The following IL1RAPL1 variants were observed in gnomAD, a reference collection of about 807,000 sequenced individuals.
IL1RAPL1 encodes interleukin-1 receptor accessory protein-like 1.
A neutral mutation model predicts 48.4 loss-of-function variants in IL1RAPL1; 3 were observed. That is an observed-to-expected ratio of 0.06 (90% CI 0.03 to 0.16). IL1RAPL1 has a LOEUF of 0.16. Ranked by LOEUF, IL1RAPL1 falls within the 10% of genes least tolerant of loss-of-function variation. IL1RAPL1 has a pLI of 1.00. For missense variants in IL1RAPL1, 349 were observed against 530.6 expected, an observed-to-expected ratio of 0.66 and a Z score of 3.36; for synonymous variants, 185 against 187.7, an observed-to-expected ratio of 0.99 and a Z score of 0.12.
chrX:29,095,972 C>A (rs1928205734), intron 2 of IL1RAPL1, among the ~76,000 whole-genome samples: 1 of 111,492 alleles, frequency 9.0e-6, no homozygotes, highest in Non-Finnish European at 1.9e-5. Flanking sequence ...ATGCCTTGCT[C>A]ATACCACTTT....
intron 2 of IL1RAPL1, among the ~76,000 whole-genome samples, chrX:28,821,805 TG>T (rs1936940353): frequency 9.0e-6 from 1 of 111,256 alleles, no homozygotes; most frequent in Non-Finnish European, 1.9e-5. Flanking sequence ...TCTTACACAT[TG>T]CTTCAGTTAG....
At chrX:29,888,863 G>A (rs961288382) in intron 6 of IL1RAPL1, among the ~76,000 whole-genome samples, 1 of 111,423 alleles carries the variant, frequency 9.0e-6, no homozygotes, top group African/African-American at 3.3e-5. Flanking sequence ...TTTAAAAGAC[G>A]CTTCTTGTTA....
chrX:28,752,684 A>G (rs753970765), intron 1 of IL1RAPL1, among the ~76,000 whole-genome samples: 27 of 112,343 alleles, frequency 2.4e-4, no homozygotes, highest in African/African-American at 8.4e-4. Context: ...AATCTGGTAC[A>G]AGGTTTGGGA....
chrX:29,128,757 GA>G (rs1159149590), intron 2 of IL1RAPL1, among the ~76,000 whole-genome samples: 1 of 111,690 alleles, frequency 9.0e-6, no homozygotes, highest in Non-Finnish European at 1.9e-5. Flanking sequence ...GTTCCTTAAT[GA>G]ATGGATGGAT....
At chrX:29,527,326 CTTTTTTTTTT>C (rs61003668) in intron 5 of IL1RAPL1, among the ~76,000 whole-genome samples, 21 of 25,570 alleles carry the variant, frequency 8.2e-4, no homozygotes, top group South Asian at 6.7e-3. Flanking sequence ...GGGAAGGACT[CTTTTTTTTTT>C]TTTTTTTTTT....
chrX:29,381,091 A>G (rs1286916279), intron 3 of IL1RAPL1, among the ~76,000 whole-genome samples: 2 of 111,102 alleles, frequency 1.8e-5, no homozygotes, highest in African/African-American at 3.3e-5. Context: ...GAGAAAGTAA[A>G]GAGAGTAGCT....
chrX:29,627,824 A>G (rs1924659338), intron 5 of IL1RAPL1, among the ~76,000 whole-genome samples: 1 of 112,268 alleles, frequency 8.9e-6, no homozygotes, highest in African/African-American at 3.2e-5. Context: ...AGCGTGAAGT[A>G]ACTCTCTTGG....
At chrX:29,856,071 C>G (rs1931472060) in intron 6 of IL1RAPL1, among the ~76,000 whole-genome samples, 1 of 112,041 alleles carries the variant, frequency 8.9e-6, no homozygotes, top group Admixed American at 9.5e-5. Flanking sequence ...TGCACCATTT[C>G]CATACATAGT....
At chrX:29,668,549 T>A (rs1236763043) in intron 6 of IL1RAPL1, 45 bp downstream of exon 6, 1 of 914,368 alleles carries the variant, frequency 1.1e-6, no homozygotes, top group Non-Finnish European at 1.6e-6. Context: ...TCTCGTTACA[T>A]TGTGACAGTT....
intron 6 of IL1RAPL1, among the ~76,000 whole-genome samples, chrX:29,816,673 C>A (rs1930499751): frequency 9.1e-6 from 1 of 110,209 alleles, no homozygotes; most frequent in Non-Finnish European, 1.9e-5. Flanking sequence ...TGCAAAAATC[C>A]AAGAAAATAC....
At chrX:29,173,176 A>G (rs1326243590) in intron 2 of IL1RAPL1, among the ~76,000 whole-genome samples, 1 of 111,691 alleles carries the variant, frequency 9.0e-6, no homozygotes, top group Non-Finnish European at 1.9e-5. Context: ...CTTACAAAAC[A>G]GTGCTAATGG....
At chrX:29,619,740 A>G (rs935440660) in intron 5 of IL1RAPL1, among the ~76,000 whole-genome samples, 13 of 111,858 alleles carry the variant, frequency 1.2e-4, no homozygotes, top group East Asian at 2.8e-4. Flanking sequence ...ATAATTTGCA[A>G]CTGATATCAA....
intron 6 of IL1RAPL1, among the ~76,000 whole-genome samples, chrX:29,756,717 A>AT (rs955129417): frequency 8.9e-6 from 1 of 112,212 alleles, no homozygotes; most frequent in African/African-American, 3.2e-5. Context: ...CCGGTCGCAT[A>AT]TATCACTTTT....
intron 1 of IL1RAPL1, among the ~76,000 whole-genome samples, chrX:28,637,350 T>C (rs1055820714): frequency 8.9e-6 from 1 of 111,891 alleles, no homozygotes; most frequent in Non-Finnish European, 1.9e-5. Flanking sequence ...ATATTCCCTG[T>C]CCAACCAGAT....
intron 6 of IL1RAPL1, among the ~76,000 whole-genome samples, chrX:29,670,775 C>T (rs1030626823): frequency 8.9e-6 from 1 of 111,940 alleles, no homozygotes; most frequent in African/African-American, 3.2e-5. Context: ...ACAAAACTGC[C>T]TATTCAACAG....
chrX:29,054,765 T>A (rs186864778), intron 2 of IL1RAPL1, among the ~76,000 whole-genome samples: 1 of 111,921 alleles, frequency 8.9e-6, no homozygotes, highest in Non-Finnish European at 1.9e-5. Context: ...TCCCAAATTA[T>A]TTTTTTTCGA....
intron 2 of IL1RAPL1, among the ~76,000 whole-genome samples, chrX:29,154,593 C>T (rs1420302040): frequency 1.8e-5 from 2 of 110,674 alleles, no homozygotes; most frequent in African/African-American, 6.6e-5. Flanking sequence ...GAAAATTAAT[C>T]TATAAAAAGT....
At chrX:28,679,311 C>T (rs1275875205) in intron 1 of IL1RAPL1, among the ~76,000 whole-genome samples, 1 of 111,521 alleles carries the variant, frequency 9.0e-6, no homozygotes, top group Non-Finnish European at 1.9e-5. Context: ...TCCATTATTT[C>T]GTTTTCATTA....
chrX:29,804,938 T>C (rs1930216089), intron 6 of IL1RAPL1, among the ~76,000 whole-genome samples: 1 of 112,166 alleles, frequency 8.9e-6, no homozygotes, highest in South Asian at 3.7e-4. Context: ...ATTAAATACA[T>C]GTTATTATTG....
Sources: allele counts gnomAD v4.1 joint callset (sites outside exome capture counted in the v4.1 genomes callset), GRCh38; gene constraint gnomAD v4.1.1; transcripts MANE v1.5; gene names NCBI Gene and HGNC (gene_info 2026-07-23, HGNC 2026-07-21).